PDE1A: variants seen among roughly 807,000 people sequenced by gnomAD.
PDE1A encodes the protein phosphodiesterase 1A.
PDE1A carries 35 observed loss-of-function variants against 61.7 expected under a neutral mutation model. The observed-to-expected ratio is 0.57, with a 90% CI of 0.43 to 0.75. The LOEUF (loss-of-function observed/expected upper bound fraction) is 0.75. Ranked by LOEUF, PDE1A falls within the 30% of genes least tolerant of loss-of-function variation. PDE1A has a pLI of 0.00. For synonymous variants in PDE1A, 232 were observed against 213.2 expected (o/e 1.09, Z -0.77); for missense variants, 597 against 630.6 (o/e 0.95, Z 0.57).
intron 1 of PDE1A, among the ~76,000 whole-genome samples, chr2:182,402,925 T>C (rs1353992776): frequency 6.6e-6 from 1 of 151,992 alleles, no homozygotes; most frequent in East Asian, 1.9e-4. Context: ...ATGAAAAAAG[T>C]TGATCATCAC....
At chr2:182,618,919 A>G in the PDE1A span, among the ~76,000 whole-genome samples, 1 of 152,142 alleles carries the variant, frequency 6.6e-6, no homozygotes, top group East Asian at 1.9e-4. Flanking sequence ...TTAGGATTAT[A>G]GACAGCATTA....
At chr2:182,435,185 G>A (rs1391538085) in intron 2 of PDE1A, among the ~76,000 whole-genome samples, 1 of 151,980 alleles carries the variant, frequency 6.6e-6, no homozygotes, top group African/African-American at 2.4e-5. Flanking sequence ...ATTTAAAACA[G>A]ATTCTCATAG....
chr2:182,583,336 A>G, the PDE1A span, among the ~76,000 whole-genome samples: 2 of 152,246 alleles, frequency 1.3e-5, no homozygotes, highest in African/African-American at 4.8e-5. Flanking sequence ...ACTTAAAATT[A>G]TTATAAAGAT....
At chr2:182,366,107 G>T (rs184999391) in intron 1 of PDE1A, among the ~76,000 whole-genome samples, 127 of 152,136 alleles carry the variant, frequency 8.3e-4, no homozygotes, top group Non-Finnish European at 1.4e-3. Context: ...TACTTTTATA[G>T]GAGCAGGCAC....
At chr2:182,591,646 C>T in the PDE1A span, among the ~76,000 whole-genome samples, 375 of 152,220 alleles carry the variant, frequency 2.5e-3, no homozygotes, top group Admixed American at 3.9e-3. Context: ...TGGGTATCTA[C>T]CCACTAGATG....
chr2:182,420,934 CTTTCCCA>C, intron 1 of PDE1A, among the ~76,000 whole-genome samples: 1 of 152,114 alleles, frequency 6.6e-6, no homozygotes, highest in Non-Finnish European at 1.5e-5. Context: ...TAAACTGAAG[CTTTCCCA>C]TGAGAACTAA....
intron 1 of PDE1A, among the ~76,000 whole-genome samples, chr2:182,308,741 C>T (rs1285841435): frequency 6.6e-6 from 1 of 151,878 alleles, no homozygotes; most frequent in East Asian, 1.9e-4. Flanking sequence ...AGTATGAAAG[C>T]CTTTGAAACA....
At chr2:182,670,966 C>T in the PDE1A span, among the ~76,000 whole-genome samples, 4 of 151,272 alleles carry the variant, frequency 2.6e-5, no homozygotes, top group Non-Finnish European at 5.9e-5. Flanking sequence ...TACAGGCGTA[C>T]ACCACCAAGC....
At chr2:182,694,845 T>C in the PDE1A span, among the ~76,000 whole-genome samples, 10 of 149,622 alleles carry the variant, frequency 6.7e-5, no homozygotes, top group Non-Finnish European at 1.0e-4. Context: ...GCAACAGTTG[T>C]TTGTTTGTTT....
chr2:182,587,885 A>G, the PDE1A span, among the ~76,000 whole-genome samples: 27 of 152,368 alleles, frequency 1.8e-4, no homozygotes, highest in African/African-American at 6.5e-4. Flanking sequence ...CCACACAACT[A>G]AAGAAGACAT....
intron 4 of PDE1A, among the ~76,000 whole-genome samples, chr2:182,233,939 A>T (rs1574095984): frequency 2.1e-5 from 2 of 93,258 alleles, no homozygotes; most frequent in South Asian, 4.0e-4. Context: ...GCCAAAGACA[A>T]GAGAGAGAAG....
At chr2:182,468,018 A>G (rs1043836052) in intron 2 of PDE1A, among the ~76,000 whole-genome samples, 2 of 152,014 alleles carry the variant, frequency 1.3e-5, no homozygotes, top group Non-Finnish European at 2.9e-5. Flanking sequence ...CATACTAACG[A>G]TTATCTGAGT....
the PDE1A span, among the ~76,000 whole-genome samples, chr2:182,694,603 G>C: frequency 6.6e-6 from 1 of 152,178 alleles, no homozygotes; most frequent in South Asian, 2.1e-4. Context: ...TTTACTTAGA[G>C]TTGGAAAGAA....
chr2:182,421,100 T>C (rs1703247835), intron 1 of PDE1A, among the ~76,000 whole-genome samples: 1 of 152,170 alleles, frequency 6.6e-6, no homozygotes, highest in African/African-American at 2.4e-5. Context: ...TTCTTTTCAT[T>C]GCTTTTTACC....
intron 4 of PDE1A, among the ~76,000 whole-genome samples, chr2:182,233,868 G>C (rs969258115): frequency 6.6e-6 from 1 of 151,862 alleles, no homozygotes; most frequent in Non-Finnish European, 1.5e-5. Context: ...TTTCAACTCT[G>C]ATTATTTCTA....
chr2:182,147,687 G>A (rs892854207), intron 13 of PDE1A, among the ~76,000 whole-genome samples: 3 of 152,110 alleles, frequency 2.0e-5, no homozygotes, highest in African/African-American at 7.2e-5. Context: ...CAACATTTCT[G>A]GAGAGGTTGT....
chr2:182,604,332 T>C, the PDE1A span, among the ~76,000 whole-genome samples: 1 of 152,192 alleles, frequency 6.6e-6, no homozygotes, highest in Non-Finnish European at 1.5e-5. Flanking sequence ...CAATATAAAT[T>C]TGATACATTA....
chr2:182,558,781 C>T, the PDE1A span, among the ~76,000 whole-genome samples: 2 of 152,158 alleles, frequency 1.3e-5, no homozygotes, highest in Non-Finnish European at 2.9e-5. Context: ...TTTAAACTGT[C>T]AGTACTCAAA....
intron 2 of PDE1A, among the ~76,000 whole-genome samples, chr2:182,479,554 G>A (rs1687578264): frequency 6.6e-6 from 1 of 151,398 alleles, no homozygotes; most frequent in Non-Finnish European, 1.5e-5. Context: ...CAGGAAGGAA[G>A]ACAGCCAGAC....
Sources: allele counts gnomAD v4.1 joint callset (sites outside exome capture counted in the v4.1 genomes callset), GRCh38; gene constraint gnomAD v4.1.1; transcripts MANE v1.5; gene names NCBI Gene and HGNC (gene_info 2026-07-23, HGNC 2026-07-21).